Variants in STIM1 observed in about 807,000 individuals in gnomAD.
STIM1 encodes the protein stromal interaction molecule 1.
In STIM1, 25 loss-of-function variants were observed where a neutral mutation model predicts 74.7. That is an observed-to-expected ratio of 0.33 (90% CI 0.24 to 0.47). The LOEUF is 0.47. Among genes scored for constraint, STIM1 ranks in the 20% least tolerant of loss-of-function variants. STIM1 has a pLI of 1.00. For synonymous variants in STIM1, 328 were observed against 348.8 expected (o/e 0.94, Z 0.66); for missense variants, 728 against 920.8 (o/e 0.79, Z 2.71).
intron 3 of STIM1, among the ~76,000 whole-genome samples, chr11:4,036,370 C>T (rs1054941115): frequency 2.6e-5 from 4 of 151,972 alleles, no homozygotes; most frequent in Non-Finnish European, 4.4e-5. Context: ...GGGTGTATAC[C>T]CAGTAATGAG....
At chr11:3,986,499 T>C (rs1017937371) in intron 2 of STIM1, among the ~76,000 whole-genome samples, 5 of 152,154 alleles carry the variant, frequency 3.3e-5, no homozygotes, top group African/African-American at 1.2e-4. Context: ...ACTGAGGAAC[T>C]TGGATTTCAT....
At chr11:4,002,881 C>T (rs1031876895) in intron 2 of STIM1, among the ~76,000 whole-genome samples, 9 of 137,062 alleles carry the variant, frequency 6.6e-5, no homozygotes, top group African/African-American at 1.0e-4. Context: ...ATCAAATAGA[C>T]GCAATAAAAA....
chr11:3,864,242 C>A (rs2135228544), intron 1 of STIM1, among the ~76,000 whole-genome samples: 1 of 152,340 alleles, frequency 6.6e-6, no homozygotes, highest in East Asian at 1.9e-4. Flanking sequence ...TGGGCCTGGT[C>A]CCCACTGTAT....
chr11:3,923,831 G>C (rs2092751034), intron 1 of STIM1, among the ~76,000 whole-genome samples: 1 of 151,970 alleles, frequency 6.6e-6, no homozygotes, highest in Non-Finnish European at 1.5e-5. Context: ...GGCTGTCCTT[G>C]GTATTTCTAT....
chr11:4,067,535 A>G (rs1345299650), intron 5 of STIM1, among the ~76,000 whole-genome samples: 1 of 152,194 alleles, frequency 6.6e-6, no homozygotes, highest in African/African-American at 2.4e-5. Flanking sequence ...AACAGAAACA[A>G]TATTTGCTGC....
At chr11:4,060,363 A>G (rs1044397935) in intron 5 of STIM1, among the ~76,000 whole-genome samples, 2 of 152,244 alleles carry the variant, frequency 1.3e-5, no homozygotes, top group Admixed American at 6.5e-5. Flanking sequence ...GAAACAGTCC[A>G]GAGAAGCAGC....
intron 1 of STIM1, among the ~76,000 whole-genome samples, chr11:3,960,499 CA>C (rs1314565314): frequency 6.6e-6 from 1 of 152,132 alleles, no homozygotes; most frequent in South Asian, 2.1e-4. Flanking sequence ...CAATAGTTTC[CA>C]AATGACAAGT....
Position 3,967,668 on chromosome 11 carries a change from G to A in STIM1, c.256G>A (p.Glu86Lys). 6.2e-7 allele frequency: 1 copy of A among 1,614,228 alleles called. No homozygotes were observed. Among genetic ancestry groups the A allele is most frequent in the African/African-American group, 1.3e-5 (1 of 75,066 alleles). ...TGATGCCAATGGTGATGTGGATGTG[G>A]AAGAAAGTGATGAGGTGAGCTCTCC... Reference protein sequence around the residue: ...DDDANGDVDVEESDEFLREDL... With the variant: ...DDDANGDVDVKESDEFLREDL... Residue 86 changes from glutamate to lysine, a missense_variant, in exon 2 of 13, where the codon GAA becomes AAA. Glu to Lys is a moderately conservative substitution (Grantham distance 56). Transcript: ENST00000526596.
At chr11:4,020,689 A>G (rs2093947563) in intron 2 of STIM1, among the ~76,000 whole-genome samples, 1 of 152,034 alleles carries the variant, frequency 6.6e-6, no homozygotes, top group Non-Finnish European at 1.5e-5. Context: ...CCCAGGCTCA[A>G]GTGATCCTCT....
At chr11:3,881,671 G>T (rs966284374) in intron 1 of STIM1, among the ~76,000 whole-genome samples, 1 of 139,784 alleles carries the variant, frequency 7.2e-6, no homozygotes, top group Non-Finnish European at 1.5e-5. Context: ...GTGCCCGGCC[G>T]ATTATTTTAT....
At chr11:3,992,808 A>G (rs546295509) in intron 2 of STIM1, among the ~76,000 whole-genome samples, 1 of 152,326 alleles carries the variant, frequency 6.6e-6, no homozygotes, top group African/African-American at 2.4e-5. Context: ...AAAACCTGCT[A>G]TATATACTAC....
intron 3 of STIM1, among the ~76,000 whole-genome samples, chr11:4,046,951 C>A (rs1397822108): frequency 1.3e-5 from 2 of 152,180 alleles, no homozygotes; most frequent in Non-Finnish European, 2.9e-5. Flanking sequence ...CCATGTCTGG[C>A]CAAATGCCTG....
intron 2 of STIM1, among the ~76,000 whole-genome samples, chr11:4,012,205 G>A (rs1242741991): frequency 6.6e-6 from 1 of 152,088 alleles, no homozygotes; most frequent in Non-Finnish European, 1.5e-5. Flanking sequence ...TTGGCTATGC[G>A]GACTCTTTTT....
intron 1 of STIM1, among the ~76,000 whole-genome samples, chr11:3,906,328 GAGTCATTC>G (rs955677252): frequency 6.6e-6 from 1 of 152,196 alleles, no homozygotes; most frequent in Admixed American, 6.5e-5. Context: ...TACCTCAGGC[GAGTCATTC>G]TCCCTTTGCA....
intron 1 of STIM1, among the ~76,000 whole-genome samples, chr11:3,952,811 T>C (rs1329402628): frequency 6.6e-6 from 1 of 152,166 alleles, no homozygotes; most frequent in Non-Finnish European, 1.5e-5. Flanking sequence ...TTCAATTCAG[T>C]CAGGAAGGTC....
At chr11:3,994,017 C>T (rs543280443) in intron 2 of STIM1, among the ~76,000 whole-genome samples, 5 of 152,260 alleles carry the variant, frequency 3.3e-5, no homozygotes, top group African/African-American at 7.2e-5. Flanking sequence ...GGGGGGGTCA[C>T]TTAAAGAGCT....
chr11:3,892,507 C>T (rs1483510205), intron 1 of STIM1: 1 of 1,577,774 alleles, frequency 6.3e-7, no homozygotes, highest in Non-Finnish European at 8.7e-7. Flanking sequence ...TGCCAAAGAC[C>T]ACATGCTTGC....
At chr11:3,989,460 C>G (rs2093588454) in intron 2 of STIM1, 1 of 692,654 alleles carries the variant, frequency 1.4e-6, no homozygotes, top group African/African-American at 1.8e-5. Context: ...TGCTCTTAGG[C>G]ATCCTGGCGG....
At chr11:4,000,717 C>T (rs1419091206) in intron 2 of STIM1, among the ~76,000 whole-genome samples, 4 of 152,196 alleles carry the variant, frequency 2.6e-5, no homozygotes, top group East Asian at 1.9e-4. Flanking sequence ...TCACCAGCAA[C>T]GGAACAAAGC....
Sources: allele counts gnomAD v4.1 joint callset (sites outside exome capture counted in the v4.1 genomes callset), GRCh38; gene constraint gnomAD v4.1.1; transcripts MANE v1.5; gene names NCBI Gene and HGNC (gene_info 2026-07-23, HGNC 2026-07-21).